RGS21: variants seen among roughly 807,000 people sequenced by gnomAD.
The protein encoded by RGS21 is regulator of G protein signaling 21.
In RGS21, 19 loss-of-function variants were observed where a neutral mutation model predicts 18.7. The ratio of observed to expected loss-of-function variants is 1.01; its 90% CI spans 0.71 to 1.49. The LOEUF (loss-of-function observed/expected upper bound fraction) is 1.49. RGS21 is among the 40% of genes most tolerant of loss of function. RGS21 has a pLI of 0.00. For synonymous variants in RGS21, 56 were observed against 57.8 expected (o/e 0.97, Z 0.14); for missense variants, 194 against 176.8 (o/e 1.10, Z -0.55).
At chr1:192,334,232 A>G (rs1452145783) in intron 1 of RGS21, among the ~76,000 whole-genome samples, 1 of 152,128 alleles carries the variant, frequency 6.6e-6, no homozygotes, top group East Asian at 1.9e-4. Flanking sequence ...AGCAGTTATT[A>G]ATTTAAAGAG....
At chr1:192,332,716 G>T (rs1056790784) in intron 1 of RGS21, among the ~76,000 whole-genome samples, 2 of 152,136 alleles carry the variant, frequency 1.3e-5, no homozygotes, top group Non-Finnish European at 2.9e-5. Context: ...CTAATAAGGA[G>T]TTCATATCTA....
rs1361014810 is a variant in RGS21 at position 192,352,054 on chromosome 1, A to G, written c.96A>G (p.Leu32=). The change falls in exon 4 of 5, where the codon CTA becomes CTG. Residue 32 remains leucine, a synonymous_variant. Coordinates refer to ENST00000417209, the MANE Select transcript of RGS21 (RefSeq NM_001039152.3). ...TTCTCATATATTTTATAGCTGGTCT[A>G]GATGCTTTTCGAATATTTCTAAAAT... ...MDTLLANQAG[L]DAFRIFLKSE... is the part of the protein sequence containing the mutation. The G allele has an allele frequency of 1.3e-6, 2 of 1,591,524 alleles. No individual in the cohort carries two copies. Among genetic ancestry groups the G allele is most frequent in the Non-Finnish European group, 1.7e-6 (2 of 1,169,570 alleles).
intron 1 of RGS21, among the ~76,000 whole-genome samples, chr1:192,318,063 A>G (rs892892995): frequency 6.6e-6 from 1 of 152,068 alleles, no homozygotes; most frequent in Non-Finnish European, 1.5e-5. Context: ...CCTGCTTTCT[A>G]AAATGTATTA....
intron 1 of RGS21, among the ~76,000 whole-genome samples, chr1:192,331,565 A>ATAAC (rs1658651666): frequency 6.6e-6 from 1 of 150,996 alleles, no homozygotes; most frequent in Non-Finnish European, 1.5e-5. Flanking sequence ...AAATAAATAA[A>ATAAC]TAAATAAATA....
At chr1:192,364,860 C>T (rs12026623) in intron 4 of RGS21, among the ~76,000 whole-genome samples, 7,164 of 152,066 alleles carry the variant, frequency 0.047, 355 homozygotes, top group East Asian at 0.3. Context: ...AGGCCAGGTA[C>T]GGTGGCTCAT....
At chr1:192,364,346 A>T (rs1274058316) in intron 4 of RGS21, among the ~76,000 whole-genome samples, 1 of 152,172 alleles carries the variant, frequency 6.6e-6, no homozygotes, top group Non-Finnish European at 1.5e-5. Flanking sequence ...AAGGAAAGGA[A>T]AGATCTATGA....
At chr1:192,320,054 CAGAT>C (rs1658474418) in intron 1 of RGS21, among the ~76,000 whole-genome samples, 1 of 152,036 alleles carries the variant, frequency 6.6e-6, no homozygotes, top group African/African-American at 2.4e-5. Context: ...CACAGCAATA[CAGAT>C]AGATCTTTTT....
At chr1:192,355,916 T>G (rs1041689061) in intron 4 of RGS21, among the ~76,000 whole-genome samples, 1 of 151,566 alleles carries the variant, frequency 6.6e-6, no homozygotes, top group African/African-American at 2.4e-5. Context: ...TGATTGTCAT[T>G]CTATGAAATT....
intron 4 of RGS21, among the ~76,000 whole-genome samples, chr1:192,355,346 T>C (rs1385625826): frequency 6.6e-6 from 1 of 151,724 alleles, no homozygotes; most frequent in East Asian, 1.9e-4. Flanking sequence ...ATAAGTGCTA[T>C]TGAAACTAAC....
chr1:192,318,594 T>G (rs1401993541), intron 1 of RGS21, among the ~76,000 whole-genome samples: 1 of 152,154 alleles, frequency 6.6e-6, no homozygotes, highest in Non-Finnish European at 1.5e-5. Context: ...CTAGGTCAGA[T>G]ATCATTTACT....
At chr1:192,364,274 G>A (rs150008184) in intron 4 of RGS21, among the ~76,000 whole-genome samples, 2 of 152,238 alleles carry the variant, frequency 1.3e-5, no homozygotes, top group African/African-American at 4.8e-5. Flanking sequence ...AGGGACTCAA[G>A]AAGGTAATCA....
chr1:192,330,327 A>T (rs1053802292), intron 1 of RGS21, among the ~76,000 whole-genome samples: 14 of 152,218 alleles, frequency 9.2e-5, no homozygotes, highest in Admixed American at 9.2e-4. Context: ...GTGAGGTTAA[A>T]TCAATTCCAG....
At chr1:192,340,695 A>G (rs944919688) in intron 1 of RGS21, among the ~76,000 whole-genome samples, 1 of 152,226 alleles carries the variant, frequency 6.6e-6, no homozygotes, top group East Asian at 1.9e-4. Flanking sequence ...ATTTATAAAG[A>G]AAAAGAGGTT....
intron 4 of RGS21, among the ~76,000 whole-genome samples, chr1:192,354,417 T>C (rs527388764): frequency 2.6e-4 from 40 of 151,814 alleles, no homozygotes; most frequent in East Asian, 5.8e-4. Flanking sequence ...GAGAGCACCA[T>C]TGTATAAAGC....
intron 1 of RGS21, among the ~76,000 whole-genome samples, chr1:192,339,745 A>C (rs1165597419): frequency 6.6e-6 from 1 of 152,070 alleles, no homozygotes; most frequent in African/African-American, 2.4e-5. Flanking sequence ...TTGCAATTTC[A>C]AGGAGAAAAA....
intron 1 of RGS21, among the ~76,000 whole-genome samples, chr1:192,323,615 G>A (rs1352073804): frequency 6.6e-6 from 1 of 152,058 alleles, no homozygotes; most frequent in Non-Finnish European, 1.5e-5. Context: ...AAGGAGACAT[G>A]TGGATAGAGG....
chr1:192,344,163 G>A (rs552550366), intron 2 of RGS21, among the ~76,000 whole-genome samples: 27 of 151,848 alleles, frequency 1.8e-4, no homozygotes, highest in Non-Finnish European at 3.2e-4. Context: ...TGAGCAGCCA[G>A]TTACCACAAT....
Position 192,366,096 on chromosome 1 carries a change from A to C in RGS21, c.431A>C (p.Asn144Thr), listed in dbSNP as rs763448794. 2.5e-6 allele frequency: 4 copies of C among 1,609,032 alleles called. No individual in the cohort carries two copies. In the South Asian group the frequency reaches 4.4e-5, roughly 18 times the overall value. The change falls in exon 5 of 5, where the codon AAT becomes ACT. Residue 144 changes from asparagine (N) to threonine (T), a missense_variant. Coordinates refer to ENST00000417209, the MANE Select transcript of RGS21 (RefSeq NM_001039152.3). ...KKLVNSQQVP[N>T]HKKWLPFL ...CTGGTAAATAGCCAACAGGTTCCAAATCATAAAAAATGGCTCCCTTTTTTG... is the reference window on the plus strand; with the variant it reads ...CTGGTAAATAGCCAACAGGTTCCAACTCATAAAAAATGGCTCCCTTTTTTG...
chr1:192,359,538 T>C (rs1659154568), intron 4 of RGS21, among the ~76,000 whole-genome samples: 1 of 151,498 alleles, frequency 6.6e-6, no homozygotes, highest in African/African-American at 2.4e-5. Flanking sequence ...AAAATCACAT[T>C]TGAGAGGAGT....
Sources: gnomAD v4.1 joint callset for allele counts (sites outside exome capture counted in the v4.1 genomes callset) on GRCh38, gnomAD v4.1.1 for gene constraint, MANE v1.5 for transcripts, NCBI Gene and HGNC (gene_info 2026-07-23, HGNC 2026-07-21) for gene names.